Variants in CLPB observed in about 807,000 individuals in gnomAD.
The protein encoded by CLPB is mitochondrial disaggregase.
Under a neutral mutation model 78.4 loss-of-function variants are expected in CLPB, and 40 were observed. That is an observed-to-expected ratio of 0.51 (90% CI 0.40 to 0.66). CLPB has a LOEUF of 0.66. CLPB is among the 30% of genes least tolerant of loss of function. The pLI, the probability that CLPB is intolerant of heterozygous loss-of-function variation, is 0.00. For synonymous variants in CLPB, 333 were observed against 348.0 expected, an observed-to-expected ratio of 0.96 and a Z score of 0.48; for missense variants, 780 against 886.9, an observed-to-expected ratio of 0.88 and a Z score of 1.53.
In CLPB at chr11:72,288,026, T is replaced by C. The variant is rs1397529039; in HGVS notation, c.*5341A>G. ...GGTCCATTTTCTATTTTTTATGGTT[T>C]AAGTGTGTTTCTTTCCTAAATTTCT... On this transcript the variant is annotated 3_prime_UTR_variant, in exon 16 of 16. Transcript: ENST00000538039. 1 of 152,206 alleles carries C rather than the reference T, an allele frequency of 6.6e-6. No individual in the cohort carries two copies. The highest frequency in any genetic ancestry group is 1.5e-5 in the Non-Finnish European group (1 of 68,026). 9.4% of individuals were successfully genotyped at this position (152,206 alleles called of 1,614,324 possible). A position where few individuals can be genotyped will look rare whatever the true frequency, so the allele number is the denominator to read the frequency against.
rs1050145426 is a variant in CLPB, at chr11:72,289,521, C to T, written c.*3846G>A. 2 of 152,024 alleles carry T rather than the reference C, an allele frequency of 1.3e-5. No individual in the cohort carries two copies. Among genetic ancestry groups the T allele is most frequent in the South Asian group, 2.1e-4 (1 of 4,822 alleles). 9.4% of individuals were successfully genotyped at this position (152,024 alleles called of 1,614,324 possible). ...ATAGTAAGGTTATAAAAATGGCAGTCGCAAACCCTATGGTATTGAATTAAA... is the reference window on the plus strand; with the variant it reads ...ATAGTAAGGTTATAAAAATGGCAGTTGCAAACCCTATGGTATTGAATTAAA... On this transcript the variant is annotated 3_prime_UTR_variant, in exon 16 of 16. Transcript: ENST00000538039.
intron 11 of CLPB, among the ~76,000 whole-genome samples, chr11:72,299,126 G>A (rs561232290): frequency 4.6e-5 from 7 of 152,154 alleles, no homozygotes; most frequent in African/African-American, 1.4e-4. Context: ...CACTGTGTTC[G>A]CCGCCTTAGC....
At chr11:72,357,609 T>C (rs1009093916) in intron 5 of CLPB, among the ~76,000 whole-genome samples, 5 of 149,092 alleles carry the variant, frequency 3.4e-5, no homozygotes, top group African/African-American at 7.5e-5. Flanking sequence ...GGTAGGAGAA[T>C]TGCTTGAACC....
chr11:72,372,109 G>A (rs1197583006), intron 4 of CLPB, among the ~76,000 whole-genome samples: 2 of 152,126 alleles, frequency 1.3e-5, no homozygotes, highest in African/African-American at 2.4e-5. Context: ...CTCAGAGAGC[G>A]AAGAAGAACT....
rs189355766 is a variant in CLPB, at chr11:72,419,230, C to T, written c.455+11082G>A. ...GTTCTGGCGGTGCTGACATGAATTG[C>T]GTTATGATTTTGATTAAGCTGGGAT... On this transcript the variant is annotated intron_variant, in intron 2 of 15. Transcript: ENST00000538039. Among the ~76,000 whole-genome samples, 134 of 152,240 alleles carry T rather than the reference C, an allele frequency of 8.8e-4. 1 individual carries two copies. Among genetic ancestry groups the T allele is most frequent in the African/African-American group, 3.1e-3 (130 of 41,518 alleles).
chr11:72,405,472 G>A (rs1044055607), intron 2 of CLPB, among the ~76,000 whole-genome samples: 4 of 152,044 alleles, frequency 2.6e-5, no homozygotes, highest in East Asian at 1.9e-4. Flanking sequence ...TCAGGTGTTC[G>A]CAGCCCCCAT....
chr11:72,350,281 G>T (rs941539408), intron 5 of CLPB, among the ~76,000 whole-genome samples: 11 of 152,092 alleles, frequency 7.2e-5, no homozygotes, highest in African/African-American at 2.7e-4. Flanking sequence ...TAGACTGCTG[G>T]ATCCCTTTGG....
chr11:72,345,469 C>A (rs1950496124), intron 5 of CLPB, among the ~76,000 whole-genome samples: 1 of 152,128 alleles, frequency 6.6e-6, no homozygotes, highest in Non-Finnish European at 1.5e-5. Flanking sequence ...AATAAGAGAA[C>A]ATACAAATAT....
At chr11:72,316,323 T>C (rs1025997597) in intron 7 of CLPB, among the ~76,000 whole-genome samples, 11 of 152,182 alleles carry the variant, frequency 7.2e-5, no homozygotes, top group Non-Finnish European at 5.9e-5. Flanking sequence ...CCAGAGACCA[T>C]GCTTTGAGAA....
intron 1 of CLPB, among the ~76,000 whole-genome samples, chr11:72,432,375 C>G (rs933326058): frequency 6.6e-6 from 1 of 152,176 alleles, no homozygotes. Flanking sequence ...TCATGGGGCT[C>G]AAAAGATCAC....
chr11:72,313,301 G>GT (rs1344464793), intron 7 of CLPB, among the ~76,000 whole-genome samples: 2 of 152,192 alleles, frequency 1.3e-5, no homozygotes, highest in Admixed American at 1.3e-4. Context: ...TGCCTACTGA[G>GT]TGGATACTGA....
chr11:72,426,064 A>G (rs1277833043), intron 2 of CLPB, among the ~76,000 whole-genome samples: 1 of 152,146 alleles, frequency 6.6e-6, no homozygotes, highest in Non-Finnish European at 1.5e-5. Context: ...CTGTTTGTCA[A>G]ATGAATAAAT....
At chr11:72,363,830 A>G (rs1378293021) in intron 4 of CLPB, among the ~76,000 whole-genome samples, 1 of 152,218 alleles carries the variant, frequency 6.6e-6, no homozygotes, top group Non-Finnish European at 1.5e-5. Context: ...CAAGCCTCAT[A>G]TAACTCAGGG....
chr11:72,362,808 A>G (rs1386590304), intron 4 of CLPB, among the ~76,000 whole-genome samples: 1 of 152,208 alleles, frequency 6.6e-6, no homozygotes, highest in Non-Finnish European at 1.5e-5. Flanking sequence ...CTGTGAAAAA[A>G]GGCTTCACTT....
chr11:72,413,320 T>G (rs1310002916), intron 2 of CLPB, among the ~76,000 whole-genome samples: 1 of 151,668 alleles, frequency 6.6e-6, no homozygotes, highest in African/African-American at 2.4e-5. Flanking sequence ...AAAAAACAAA[T>G]AAATAAATAG....
chr11:72,380,010 C>G (rs1292268832), intron 4 of CLPB, among the ~76,000 whole-genome samples: 2 of 152,196 alleles, frequency 1.3e-5, no homozygotes, highest in African/African-American at 2.4e-5. Context: ...CAGGAAAACA[C>G]CAGTTGAAAT....
chr11:72,400,851 G>A (rs1397266165), intron 3 of CLPB, among the ~76,000 whole-genome samples: 1 of 152,146 alleles, frequency 6.6e-6, no homozygotes, highest in Non-Finnish European at 1.5e-5. Flanking sequence ...CACACCCTTT[G>A]CTTCGAGGGT....
chr11:72,385,903 A>G (rs1340779357), intron 3 of CLPB, among the ~76,000 whole-genome samples: 1 of 152,248 alleles, frequency 6.6e-6, no homozygotes, highest in African/African-American at 2.4e-5. Flanking sequence ...TGCTTGATTT[A>G]ACCAATCCCT....
intron 10 of CLPB, 60 bp downstream of exon 10, chr11:72,302,244 C>G: frequency 6.5e-7 from 1 of 1,536,228 alleles, no homozygotes; most frequent in Non-Finnish European, 9.0e-7. Flanking sequence ...GACAAGACCC[C>G]GGCAGTCATG....
Sources: gnomAD v4.1 joint callset for allele counts (sites outside exome capture counted in the v4.1 genomes callset) on GRCh38, gnomAD v4.1.1 for gene constraint, MANE v1.5 for transcripts, NCBI Gene and HGNC (gene_info 2026-07-23, HGNC 2026-07-21) for gene names.